The following SLX4IP variants were observed in gnomAD, a reference collection of about 807,000 sequenced individuals.
SLX4IP encodes SLX4 interacting protein.
Under a neutral mutation model 32.9 loss-of-function variants are expected in SLX4IP, and 34 were observed. The observed-to-expected ratio is 1.03, with a 90% CI of 0.79 to 1.38. SLX4IP has a LOEUF of 1.38. Among genes scored for constraint, SLX4IP ranks in the 40% most tolerant of loss-of-function variants. The probability of loss-of-function intolerance (pLI) is 0.00; values close to 1 mark genes in which losing one functional copy is unlikely to be tolerated. For synonymous variants in SLX4IP, 172 were observed against 171.7 expected, an observed-to-expected ratio of 1.00 and a Z score of -0.01; for missense variants, 444 against 479.0, an observed-to-expected ratio of 0.93 and a Z score of 0.68.
chr20:10,456,394 T>A (rs1451491466), intron 1 of SLX4IP, among the ~76,000 whole-genome samples: 1 of 152,136 alleles, frequency 6.6e-6, no homozygotes, highest in Non-Finnish European at 1.5e-5. Context: ...CAGGGTGGAG[T>A]GCAGTGGCAT....
intron 2 of SLX4IP, among the ~76,000 whole-genome samples, chr20:10,459,527 A>C (rs545104475): frequency 2.0e-5 from 3 of 152,348 alleles, no homozygotes; most frequent in South Asian, 2.1e-4. Flanking sequence ...CATCTTTTAA[A>C]GATGCTTTTT....
intron 2 of SLX4IP, among the ~76,000 whole-genome samples, chr20:10,492,512 C>T (rs1174706461): frequency 6.6e-6 from 1 of 152,066 alleles, no homozygotes; most frequent in Admixed American, 6.6e-5. Context: ...TTCTGCAGGA[C>T]TGTTTGTTGT....
At chr20:10,440,873 G>C (rs1241403483) in intron 1 of SLX4IP, among the ~76,000 whole-genome samples, 1 of 152,090 alleles carries the variant, frequency 6.6e-6, no homozygotes, top group Non-Finnish European at 1.5e-5. Flanking sequence ...GAATGATTCC[G>C]TTTAAGACAC....
chr20:10,621,198 TTTCA>T (rs2067107279), intron 6 of SLX4IP, 112 bp from the exon 7 acceptor site: 3 of 916,910 alleles, frequency 3.3e-6, no homozygotes, highest in African/African-American at 1.7e-5. Flanking sequence ...CACTGAGCAG[TTTCA>T]TTCAGTCTTT....
At chr20:10,571,104 A>T (rs188692783) in intron 4 of SLX4IP, among the ~76,000 whole-genome samples, 17 of 152,284 alleles carry the variant, frequency 1.1e-4, no homozygotes, top group Non-Finnish European at 2.9e-5. Context: ...AAGTGTTGGG[A>T]TTACAGACGT....
intron 2 of SLX4IP, among the ~76,000 whole-genome samples, chr20:10,468,028 A>G (rs115557280): frequency 1.4e-4 from 22 of 152,274 alleles, no homozygotes; most frequent in African/African-American, 5.1e-4. Context: ...TTTAGTCTCA[A>G]CTTTCCACCT....
In SLX4IP at chr20:10,463,102, A is replaced by G. The variant is rs1188513085; in HGVS notation, c.27+4871A>G. On this transcript the variant is annotated intron_variant, in intron 2 of 7. Coordinates refer to ENST00000334534, the MANE Select transcript of SLX4IP (RefSeq NM_001009608.3). ...GAAAACCCAAAGAGCCAGACGGTTGACCCTTAATACCCTCTTCGTTGGGGA... is the reference window on the plus strand; with the variant it reads ...GAAAACCCAAAGAGCCAGACGGTTGGCCCTTAATACCCTCTTCGTTGGGGA... Among the ~76,000 whole-genome samples, 4 of 152,160 alleles carry G rather than the reference A, an allele frequency of 2.6e-5. No individual in the cohort carries two copies. In the East Asian group the frequency reaches 7.7e-4, roughly 29 times the overall value.
intron 4 of SLX4IP, among the ~76,000 whole-genome samples, chr20:10,590,015 CCTCCTCCCCTTACACACATAA>C (rs1226592709): frequency 6.6e-6 from 1 of 151,780 alleles, no homozygotes; most frequent in African/African-American, 2.4e-5. Context: ...TTCCAAACTG[CCTCCTCCCCTTACACACATAA>C]AAAATAACAG....
chr20:10,450,119 T>C (rs2065230153), intron 1 of SLX4IP, among the ~76,000 whole-genome samples: 2 of 152,182 alleles, frequency 1.3e-5, no homozygotes, highest in South Asian at 4.1e-4. Flanking sequence ...TTCCACGTGG[T>C]CTATCTGTCC....
At chr20:10,556,172 C>T in intron 2 of SLX4IP, 59 bp from the exon 3 acceptor site, 1 of 1,494,680 alleles carries the variant, frequency 6.7e-7, no homozygotes, top group South Asian at 1.2e-5. Context: ...GAGATTTTCT[C>T]TCATTGTTTG....
intron 1 of SLX4IP, among the ~76,000 whole-genome samples, chr20:10,452,127 G>C (rs919870578): frequency 3.3e-5 from 5 of 152,162 alleles, no homozygotes; most frequent in African/African-American, 1.2e-4. Context: ...CGGGCAAATA[G>C]TTCCATGCTC....
At chr20:10,466,734 A>G (rs905055648) in intron 2 of SLX4IP, among the ~76,000 whole-genome samples, 6 of 151,372 alleles carry the variant, frequency 4.0e-5, no homozygotes, top group African/African-American at 1.5e-4. Context: ...GGGGTTGTCT[A>G]CTTTTTATTT....
chr20:10,576,759 G>A (rs2066528350), intron 4 of SLX4IP, among the ~76,000 whole-genome samples: 1 of 152,086 alleles, frequency 6.6e-6, no homozygotes, highest in Non-Finnish European at 1.5e-5. Flanking sequence ...GAATAGATAA[G>A]TATATACCCA....
chr20:10,530,420 C>T (rs1043124211), intron 2 of SLX4IP, among the ~76,000 whole-genome samples: 3 of 152,152 alleles, frequency 2.0e-5, no homozygotes, highest in Admixed American at 6.5e-5. Flanking sequence ...ACTGCCATGA[C>T]GTTAACCTTT....
intron 2 of SLX4IP, among the ~76,000 whole-genome samples, chr20:10,474,179 G>T (rs1568697832): frequency 1.3e-5 from 2 of 152,164 alleles, no homozygotes; most frequent in Admixed American, 1.3e-4. Context: ...GCCTCCCAAA[G>T]TGCTGGGTTT....
intron 4 of SLX4IP, among the ~76,000 whole-genome samples, chr20:10,584,909 T>A (rs974951516): frequency 3.9e-5 from 6 of 152,190 alleles, no homozygotes; most frequent in Non-Finnish European, 7.3e-5. Context: ...GGGATAGAAA[T>A]TCCAAATGAC....
chr20:10,518,782 C>T (rs1398870170), intron 2 of SLX4IP, among the ~76,000 whole-genome samples: 1 of 151,868 alleles, frequency 6.6e-6, no homozygotes, highest in Non-Finnish European at 1.5e-5. Context: ...GTAACTCAGG[C>T]TAGTCTCGAA....
chr20:10,625,994 A>G lies in SLX4IP; in HGVS notation c.*2615A>G, dbSNP rs1729398859. On this transcript the variant is annotated 3_prime_UTR_variant, in exon 8 of 8. Coordinates refer to ENST00000334534, the MANE Select transcript of SLX4IP (RefSeq NM_001009608.3). ...AAGAGTTCTCACTGTTGGGAATGGT[A>G]TGTGTTTTGACATTCTTTTTTTTTT... 7.2e-6 allele frequency: 1 copy of G among 138,580 alleles called. No individual in the cohort carries two copies. Among genetic ancestry groups the G allele is most frequent in the Admixed American group, 7.3e-5 (1 of 13,790 alleles). The allele number at this position is 138,580 out of a possible 1,614,324, so 8.6% of individuals were successfully genotyped here.
intron 2 of SLX4IP, among the ~76,000 whole-genome samples, chr20:10,538,496 C>A (rs1265941014): frequency 6.6e-6 from 1 of 151,894 alleles, no homozygotes; most frequent in African/African-American, 2.4e-5. Flanking sequence ...TCTAAAATTA[C>A]AGTTCTAGAT....
Sources: gnomAD v4.1 joint callset for allele counts (sites outside exome capture counted in the v4.1 genomes callset) on GRCh38, gnomAD v4.1.1 for gene constraint, MANE v1.5 for transcripts, NCBI Gene and HGNC (gene_info 2026-07-23, HGNC 2026-07-21) for gene names.